CPEB4: variants seen among roughly 807,000 people sequenced by gnomAD.
CPEB4 encodes cytoplasmic polyadenylation element binding protein 4, also known as cytoplasmic polyadenylation element-binding protein 4.
In CPEB4, 12 loss-of-function variants were observed where a neutral mutation model predicts 72.5. The observed-to-expected ratio is 0.17, with a 90% CI of 0.11 to 0.27. CPEB4 has a LOEUF of 0.27. Among genes scored for constraint, CPEB4 ranks in the 10% least tolerant of loss-of-function variants. The pLI, the probability that CPEB4 is intolerant of heterozygous loss-of-function variation, is 1.00. For missense variants in CPEB4, 614 were observed against 908.5 expected (o/e 0.68, Z 4.17); for synonymous variants, 302 against 326.3 (o/e 0.93, Z 0.80).
intron 3 of CPEB4, among the ~76,000 whole-genome samples, chr5:173,933,835 A>G (rs749293069): frequency 2.0e-5 from 3 of 152,094 alleles, no homozygotes; most frequent in Non-Finnish European, 2.9e-5. Flanking sequence ...TCTGGGGCCC[A>G]TCTTGTTGAG....
chr5:173,888,537 C>T lies in CPEB4; in HGVS notation c.-1197C>T. 2.5e-6 allele frequency: 1 copy of T among 403,242 alleles called. No individual in the cohort carries two copies. The highest frequency in any genetic ancestry group is 4.4e-6 in the Non-Finnish European group (1 of 229,304). The allele number at this position is 403,242 out of a possible 1,614,324, so 25.0% of individuals were successfully genotyped here. On this transcript the variant is annotated 5_prime_UTR_variant, in exon 1 of 10. Transcript: ENST00000265085. This position sits in a 1 kb window ranked among gnomAD's most constrained non-coding sequence, Gnocchi z 4.3. ...CGGGGACTGCGGGACCAGGGTAAAG[C>T]GGCGACGGCGGCGACGGCCCAGCAA...
chr5:173,897,086 A>G (rs1306851376), intron 1 of CPEB4, among the ~76,000 whole-genome samples: 1 of 152,250 alleles, frequency 6.6e-6, no homozygotes, highest in Non-Finnish European at 1.5e-5. Context: ...TATTTTAGTC[A>G]TGCTTATCTT....
intron 1 of CPEB4, among the ~76,000 whole-genome samples, chr5:173,899,016 A>C (rs898199129): frequency 1.3e-5 from 2 of 152,224 alleles, no homozygotes. Context: ...CACTATACTT[A>C]AATAATGGTG....
chr5:173,946,621 A>G (rs1758022761), intron 5 of CPEB4, among the ~76,000 whole-genome samples: 1 of 152,180 alleles, frequency 6.6e-6, no homozygotes, highest in Non-Finnish European at 1.5e-5. Flanking sequence ...CTGCAAGGTT[A>G]GGGGCATAGC....
At chr5:173,925,775 T>C (rs2113219784) in intron 2 of CPEB4, among the ~76,000 whole-genome samples, 1 of 152,334 alleles carries the variant, frequency 6.6e-6, no homozygotes, top group African/African-American at 2.4e-5. Flanking sequence ...AGTTTTGATT[T>C]ACTTAGATGT....
chr5:173,945,640 T>C (rs973130716), intron 5 of CPEB4, among the ~76,000 whole-genome samples: 1 of 152,230 alleles, frequency 6.6e-6, no homozygotes, highest in African/African-American at 2.4e-5. Flanking sequence ...CCTGCTTACA[T>C]AGAGTTTACA....
rs769312975 is a variant in CPEB4 at position 173,944,987 on chromosome 5, A to G, written c.1303A>G (p.Met435Val). The G allele has an allele frequency of 3.6e-5, 58 of 1,612,372 alleles. 1 individual carries two copies. The highest frequency in any genetic ancestry group is 3.1e-4 in the South Asian group (28 of 90,870). Residue 435 changes from methionine (M) to valine (V), a missense_variant, in exon 5 of 10, where the codon ATG (methionine) becomes GTG (valine). By Grantham distance (21) the Met-to-Val change is conservative (BLOSUM62 1). Around this residue, in one of 5 missense-constraint regions of CPEB4, gnomAD observed 458 missense variants for 548.6 expected, o/e 0.83. Transcript: ENST00000265085. ...RRRGQSSLFP[M>V]EDGFLDDGRG... ...TCCAGGTCAGTCTTCACTGTTTCCA[A>G]TGGAAGATGGATTCTTGGATGATGG...
chr5:173,914,823 A>C (rs1256790834), intron 2 of CPEB4, among the ~76,000 whole-genome samples: 1 of 151,946 alleles, frequency 6.6e-6, no homozygotes, highest in Middle Eastern at 3.4e-3. Context: ...TACCACTCAG[A>C]AAAAAAAATT....
At chr5:173,952,978 T>C in intron 8 of CPEB4, 113 bp from the exon 9 acceptor site, 1 of 785,820 alleles carries the variant, frequency 1.3e-6, no homozygotes, top group Admixed American at 2.4e-5. Context: ...ATTTTAATAA[T>C]TATTATAATG....
chr5:173,920,622 T>G (rs1319812937), intron 2 of CPEB4, among the ~76,000 whole-genome samples: 1 of 152,198 alleles, frequency 6.6e-6, no homozygotes, highest in Non-Finnish European at 1.5e-5. Flanking sequence ...CTTAGATTGG[T>G]CACTTCTCTC....
chr5:173,956,179 C>T lies in CPEB4; in HGVS notation c.*42C>T. 6.6e-7 allele frequency: 1 copy of T among 1,506,844 alleles called. No individual in the cohort carries two copies. The allele number at this position is 1,506,844 out of a possible 1,614,324, so 93.3% of individuals were successfully genotyped here. A position where few individuals can be genotyped will look rare whatever the true frequency, so the allele number is the denominator to read the frequency against. On this transcript the variant is annotated 3_prime_UTR_variant, in exon 10 of 10. Coordinates refer to ENST00000265085, the MANE Select transcript of CPEB4 (RefSeq NM_030627.4). ...TCATTTTCAGGCCTCAGAATAAGTGCACTCTTCTGTTCATTCTGACCCCTT... is the reference window on the plus strand; with the variant it reads ...TCATTTTCAGGCCTCAGAATAAGTGTACTCTTCTGTTCATTCTGACCCCTT...
intron 2 of CPEB4, among the ~76,000 whole-genome samples, chr5:173,916,561 A>G (rs916106167): frequency 2.4e-4 from 37 of 152,324 alleles, no homozygotes; most frequent in African/African-American, 8.7e-4. Flanking sequence ...CTGACTGCCA[A>G]AGGTGTTGTG....
chr5:173,944,928 C>A (rs1390975940), intron 4 of CPEB4, 39 bp from the exon 5 acceptor site: 3 of 1,560,348 alleles, frequency 1.9e-6, no homozygotes, highest in Non-Finnish European at 2.6e-6. Flanking sequence ...TGGCAAGGAA[C>A]ATTTTCTGTT....
At position 173,888,894 on chromosome 5, in the gene CPEB4, AC is replaced by A. The variant is rs994668194; in HGVS notation, c.-835del. The stretch of plus-strand genomic sequence containing the variant: ...GTCTCGCTAATCCCTCCTGATCGCG[AC>A]CCCCGCAAGAGGGAGAAACGGGTGT... On this transcript the variant is annotated 5_prime_UTR_variant, in exon 1 of 10. Coordinates refer to ENST00000265085, the MANE Select transcript of CPEB4 (RefSeq NM_030627.4). The surrounding 1 kb of genome is among the most constrained non-coding windows in gnomAD (Gnocchi z 4.3). The A allele has an allele frequency of 4.8e-6, 1 of 208,400 alleles. No individual in the cohort carries two copies. The highest frequency in any genetic ancestry group is 9.6e-5 in the East Asian group (1 of 10,386). The allele number at this position is 208,400 out of a possible 1,614,324, so 12.9% of individuals were successfully genotyped here.
chr5:173,908,299 A>G (rs150948085), intron 1 of CPEB4, among the ~76,000 whole-genome samples: 123 of 152,304 alleles, frequency 8.1e-4, no homozygotes, highest in African/African-American at 2.9e-3. Context: ...TCAGGAGATG[A>G]GGATAATGAG....
At chr5:173,951,698 C>G in intron 7 of CPEB4, 126 bp from the exon 8 acceptor site, 2 of 624,210 alleles carry the variant, frequency 3.2e-6, no homozygotes, top group East Asian at 5.5e-5. Context: ...CTTCTAGTTT[C>G]CCAGCTTTAT....
intron 5 of CPEB4, among the ~76,000 whole-genome samples, chr5:173,948,348 G>T (rs1327330398): frequency 6.6e-6 from 1 of 152,172 alleles, no homozygotes; most frequent in African/African-American, 2.4e-5. Context: ...GAAAAGGTTT[G>T]CTTGTGGTAG....
chr5:173,957,130 G>A lies in CPEB4; in HGVS notation c.*993G>A, dbSNP rs894603898. ...GTCAGCCTTTGCTCTCCATTTTGAC[G>A]TTAAAAAACAACAACAGATCTAGAG... is the stretch of plus-strand genomic sequence containing the variant. On this transcript the variant is annotated 3_prime_UTR_variant, in exon 10 of 10. Transcript: ENST00000265085. 3 of 152,584 alleles carry A rather than the reference G, an allele frequency of 2.0e-5. No individual in the cohort carries two copies. The highest frequency in any genetic ancestry group is 2.4e-5 in the African/African-American group (1 of 41,364). 9.5% of individuals were successfully genotyped at this position (152,584 alleles called of 1,614,324 possible).
chr5:173,906,859 G>T (rs893223280), intron 1 of CPEB4, among the ~76,000 whole-genome samples: 1 of 152,180 alleles, frequency 6.6e-6, no homozygotes, highest in African/African-American at 2.4e-5. Context: ...TTACCAGTTA[G>T]AAGTCAGCAA....
Sources: gnomAD v4.1 joint callset for allele counts (sites outside exome capture counted in the v4.1 genomes callset) on GRCh38, gnomAD v4.1.1 for gene constraint, gnomAD v4.1.1 regional missense constraint, Gnocchi (gnomAD v3.1) non-coding constraint, MANE v1.5 for transcripts, NCBI Gene and HGNC (gene_info 2026-07-23, HGNC 2026-07-21) for gene names.